Variants in EARS2 observed in about 807,000 individuals in gnomAD.
EARS2 encodes the protein nondiscriminating glutamyl-tRNA synthetase EARS2, mitochondrial.
EARS2 carries 50 observed loss-of-function variants against 54.1 expected under a neutral mutation model. The observed-to-expected ratio is 0.92, with a 90% CI of 0.74 to 1.17. EARS2 has a LOEUF of 1.17. Ranked by LOEUF, EARS2 falls within the 50% of genes most tolerant of loss-of-function variation. EARS2 has a pLI of 0.00. For synonymous variants in EARS2, 298 were observed against 281.0 expected, an observed-to-expected ratio of 1.06 and a Z score of -0.61; for missense variants, 673 against 675.0, an observed-to-expected ratio of 1.00 and a Z score of 0.03.
chr16:23,548,722 C>G (rs1043255282), intron 2 of EARS2, among the ~76,000 whole-genome samples: 12 of 152,140 alleles, frequency 7.9e-5, no homozygotes, highest in African/African-American at 2.7e-4. Context: ...AAGCCAAAGA[C>G]AGCCTGAAAA....
chr16:23,527,219 C>A (rs1965244203), intron 7 of EARS2, among the ~76,000 whole-genome samples: 1 of 152,140 alleles, frequency 6.6e-6, no homozygotes, highest in Non-Finnish European at 1.5e-5. Flanking sequence ...TCCCCATTCA[C>A]CCTCCCAGAA....
At chr16:23,543,774 C>T (rs531253234) in intron 3 of EARS2, among the ~76,000 whole-genome samples, 12 of 150,752 alleles carry the variant, frequency 8.0e-5, no homozygotes, top group Non-Finnish European at 1.5e-4. Flanking sequence ...CATTTGAAAC[C>T]TTTTGAGTGC....
chr16:23,556,839 G>A (rs1418261772), intron 1 of EARS2: 1 of 504,088 alleles, frequency 2.0e-6, no homozygotes, highest in Non-Finnish European at 3.8e-6. Context: ...TTTTTTATAA[G>A]TGTCTGCGGC....
rs200994844 is a variant in EARS2, at chr16:23,544,668, G to A, written c.331C>T (p.Pro111Ser). The change falls in exon 3 of 9, where the codon CCT becomes TCT. Residue 111 changes from proline (P) to serine (S), a missense_variant. Physicochemically the swap from Pro to Ser is moderately conservative, Grantham distance 74 (BLOSUM62 -1). Coordinates refer to ENST00000449606, the MANE Select transcript of EARS2 (RefSeq NM_001083614.2). ...PPDESPRRGG[P>S]AGPYQQSQRL... The stretch of plus-strand genomic sequence containing the variant: ...TGAGATTGCTGGTAGGGCCCAGCAG[G>A]ACCGCCCCGGCGGGGGCTCTCATCA... 2.1e-5 allele frequency: 33 copies of A among 1,608,554 alleles called. No homozygotes were observed. Among genetic ancestry groups the A allele is most frequent in the Non-Finnish European group, 2.5e-5 (30 of 1,178,380 alleles).
intron 2 of EARS2, among the ~76,000 whole-genome samples, chr16:23,551,819 C>T (rs1965700220): frequency 6.6e-6 from 1 of 152,132 alleles, no homozygotes; most frequent in Non-Finnish European, 1.5e-5. Context: ...TACTTGGAGG[C>T]TGAGGCAGAA....
At chr16:23,553,116 G>A (rs1298979220) in intron 1 of EARS2, 1 of 268,720 alleles carries the variant, frequency 3.7e-6, no homozygotes, top group Non-Finnish European at 7.7e-6. Context: ...CAGCAGTAGA[G>A]TGAGACTCTG....
At chr16:23,545,874 G>T (rs1351708204) in intron 2 of EARS2, among the ~76,000 whole-genome samples, 1 of 152,078 alleles carries the variant, frequency 6.6e-6, no homozygotes, top group Non-Finnish European at 1.5e-5. Flanking sequence ...TCAGGCTAGG[G>T]TGCAGTAGTG....
At chr16:23,544,430 T>G in intron 3 of EARS2, 84 bp downstream of exon 3, 14 of 1,332,062 alleles carry the variant, frequency 1.1e-5, no homozygotes, top group South Asian at 1.4e-5. Flanking sequence ...AGGTAATACA[T>G]GTTTAGGGGA....
At chr16:23,526,905 G>A (rs75640203) in intron 7 of EARS2, among the ~76,000 whole-genome samples, 1,657 of 152,300 alleles carry the variant, frequency 0.011, 27 homozygotes, top group African/African-American at 0.038. Context: ...GATGGGAATA[G>A]GCTGGGGATG....
intron 1 of EARS2, among the ~76,000 whole-genome samples, chr16:23,555,056 T>A (rs1242277110): frequency 6.6e-6 from 1 of 152,222 alleles, no homozygotes; most frequent in Admixed American, 6.5e-5. Context: ...TAATAGAGGC[T>A]GTGTATTAAG....
At chr16:23,546,454 G>A (rs1425995278) in intron 2 of EARS2, 1 of 455,428 alleles carries the variant, frequency 2.2e-6, no homozygotes, top group Non-Finnish European at 4.4e-6. Flanking sequence ...AAGGAAACAA[G>A]TAGTAACTTT....
chr16:23,529,775 A>C lies in EARS2; in HGVS notation c.1190T>G (p.Val397Gly). The change falls in exon 6 of 9, where the codon GTC becomes GGC. Residue 397 changes from valine to glycine, a missense_variant. Val to Gly is a moderately radical substitution (Grantham distance 109). Around this residue, in one of 3 missense-constraint regions of EARS2, gnomAD observed 338 missense variants for 361.2 expected, o/e 0.94. Transcript: ENST00000449606. ...CAGCAGGAGGATCCTCTCCACGTAG[A>C]CTGGGTTGAGGACATCCCTGTTTTG... ...QLQNRDVLNP[V>G]YVERILLLRQ... 4.3e-6 allele frequency: 7 copies of C among 1,614,152 alleles called. No individual in the cohort carries two copies. The highest frequency in any genetic ancestry group is 5.9e-6 in the Non-Finnish European group (7 of 1,180,016).
intron 3 of EARS2, among the ~76,000 whole-genome samples, chr16:23,542,289 T>G (rs1308458258): frequency 6.7e-6 from 1 of 148,656 alleles, no homozygotes; most frequent in Non-Finnish European, 1.5e-5. Flanking sequence ...GCCACCATAC[T>G]TGGCCCTTTG....
intron 6 of EARS2, 50 bp downstream of exon 6, chr16:23,529,694 G>C (rs972769786): frequency 6.2e-7 from 1 of 1,612,850 alleles, no homozygotes; most frequent in South Asian, 1.1e-5. Context: ...AGGAGGAATT[G>C]AGGCACCCAG....
At chr16:23,543,117 CAAAAAAA>C (rs35137770) in intron 3 of EARS2, among the ~76,000 whole-genome samples, 1 of 71,994 alleles carries the variant, frequency 1.4e-5, no homozygotes, top group Non-Finnish European at 2.4e-5. Context: ...TCTGTCTCAC[CAAAAAAA>C]AAAAAAAAAA....
At chr16:23,550,998 A>G (rs902649631) in intron 2 of EARS2, among the ~76,000 whole-genome samples, 1 of 152,124 alleles carries the variant, frequency 6.6e-6, no homozygotes, top group Non-Finnish European at 1.5e-5. Flanking sequence ...AAAACTTCCC[A>G]CAAGATCAAC....
At chr16:23,535,485 A>C (rs973681884) in intron 3 of EARS2, 125 bp from the exon 4 acceptor site, 1 of 794,160 alleles carries the variant, frequency 1.3e-6, no homozygotes, top group African/African-American at 1.7e-5. Context: ...TCCTCAGTCT[A>C]TAACAGGGAT....
intron 3 of EARS2, among the ~76,000 whole-genome samples, chr16:23,538,128 T>C (rs988187165): frequency 6.6e-6 from 1 of 150,636 alleles, no homozygotes; most frequent in Non-Finnish European, 1.5e-5. Context: ...GTAAGAAAAC[T>C]GTAAAGTCTG....
At position 23,534,982 on chromosome 16, in the gene EARS2, C is replaced by CAAG; in HGVS notation, c.863_864insCTT (p.Arg288delinsSerLeu). ...AGTGCTCCAGGAAAACGTCCCCTTG[C>CAAG]CTCTTGGAGAGCTTGCTGCCATCCC... On this transcript the variant is annotated protein_altering_variant, in exon 4 of 9. Coordinates refer to ENST00000449606, the MANE Select transcript of EARS2 (RefSeq NM_001083614.2). 6.2e-7 allele frequency: 1 copy of CAAG among 1,612,274 alleles called. No homozygotes were observed. The highest frequency in any genetic ancestry group is 1.7e-5 in the Admixed American group (1 of 59,934).
Sources: gnomAD v4.1 joint callset for allele counts (sites outside exome capture counted in the v4.1 genomes callset) on GRCh38, gnomAD v4.1.1 for gene constraint, gnomAD v4.1.1 regional missense constraint, MANE v1.5 for transcripts, NCBI Gene and HGNC (gene_info 2026-07-23, HGNC 2026-07-21) for gene names.